The following IGFL2 variants were observed in gnomAD, a reference collection of about 807,000 sequenced individuals.
IGFL2 encodes IGF like family member 2.
In IGFL2, 7 loss-of-function variants were observed where a neutral mutation model predicts 13.9. That is an observed-to-expected ratio of 0.51 (90% CI 0.29 to 0.95). The LOEUF (loss-of-function observed/expected upper bound fraction) is 0.95. IGFL2 is among the 40% of genes least tolerant of loss of function. The pLI, the probability that IGFL2 is intolerant of heterozygous loss-of-function variation, is 0.08. For synonymous variants in IGFL2, 55 were observed against 55.8 expected (o/e 0.99, Z 0.07); for missense variants, 138 against 147.8 (o/e 0.93, Z 0.34).
intron 1 of IGFL2, chr19:46,160,170 T>A: frequency 1.9e-6 from 1 of 534,758 alleles, no homozygotes; most frequent in Non-Finnish European, 3.4e-6. Context: ...ATTCTTAGAA[T>A]CATAAACGAA....
At chr19:46,161,440 T>C (rs1312723017), downstream of IGFL2, 4 of 215,964 alleles carry the variant, frequency 1.9e-5, no homozygotes, top group East Asian at 3.9e-4. Context: ...TTAAGTACAC[T>C]ATTATTGTGT....
the IGFL2 span, among the ~76,000 whole-genome samples, chr19:46,174,624 G>T: frequency 6.6e-6 from 1 of 152,152 alleles, no homozygotes; most frequent in Non-Finnish European, 1.5e-5. Flanking sequence ...ATGAGGAGTG[G>T]GTAGGGCAAT....
upstream of IGFL2, among the ~76,000 whole-genome samples, chr19:46,145,600 A>ATGTGTG (rs1024196099): frequency 0.059 from 5,585 of 94,430 alleles, 159 homozygotes; most frequent in African/African-American, 0.076. Flanking sequence ...ACTCATATAT[A>ATGTGTG]TGTGTGTGTG....
At chr19:46,181,320 G>A in the IGFL2 span, 1 of 152,320 alleles carries the variant, frequency 6.6e-6, no homozygotes, top group African/African-American at 2.4e-5. Flanking sequence ...CTTGTCCAGA[G>A]ATTGAAGCCA....
chr19:46,104,705 A>G, the IGFL2 span, among the ~76,000 whole-genome samples: 1 of 152,156 alleles, frequency 6.6e-6, no homozygotes. Context: ...GGGCCTGAAC[A>G]ATCCCTGAGT....
the IGFL2 span, among the ~76,000 whole-genome samples, chr19:46,211,133 C>G: frequency 5.9e-5 from 9 of 152,210 alleles, no homozygotes; most frequent in Admixed American, 2.0e-4. Context: ...GCAGATTGTT[C>G]TAGCTTCATT....
chr19:46,123,780 A>G, the IGFL2 span: 3 of 1,276,938 alleles, frequency 2.3e-6, no homozygotes, highest in Non-Finnish European at 3.2e-6. Context: ...CACCAGCCTG[A>G]CTCTTTTGCC....
chr19:46,098,890 C>A, the IGFL2 span, among the ~76,000 whole-genome samples: 1 of 152,114 alleles, frequency 6.6e-6, no homozygotes, highest in Admixed American at 6.5e-5. Context: ...ATTTTGCAGA[C>A]TAGTTGATGC....
chr19:46,182,520 G>T, the IGFL2 span, among the ~76,000 whole-genome samples: 2 of 151,970 alleles, frequency 1.3e-5, no homozygotes, highest in African/African-American at 4.8e-5. Flanking sequence ...CCAAGTACAA[G>T]AAAAAACTTA....
the IGFL2 span, chr19:46,209,430 C>A: frequency 2.0e-5 from 3 of 152,226 alleles, no homozygotes; most frequent in Non-Finnish European, 4.4e-5. Flanking sequence ...TTAGCCCTCC[C>A]AACATAGGAC....
the IGFL2 span, among the ~76,000 whole-genome samples, chr19:46,181,596 T>C: frequency 1.9e-3 from 282 of 152,334 alleles, 5 homozygotes; most frequent in East Asian, 0.016. Context: ...CGCCTGGTCC[T>C]GACACTCCCT....
At chr19:46,176,105 G>T in the IGFL2 span, among the ~76,000 whole-genome samples, 1 of 138,060 alleles carries the variant, frequency 7.2e-6, no homozygotes, top group Non-Finnish European at 1.5e-5. Flanking sequence ...TGCCCGCCTC[G>T]GCCTCCTAAA....
chr19:46,127,592 A>C, the IGFL2 span, among the ~76,000 whole-genome samples: 1 of 152,130 alleles, frequency 6.6e-6, no homozygotes, highest in Non-Finnish European at 1.5e-5. Flanking sequence ...TCTTAAACGG[A>C]TGTATAGGTA....
chr19:46,211,313 A>AAATGACTCAC, the IGFL2 span, among the ~76,000 whole-genome samples: 1 of 152,224 alleles, frequency 6.6e-6, no homozygotes, highest in Middle Eastern at 3.2e-3. Context: ...TGTTTGGAGA[A>AAATGACTCAC]AATGACTCAC....
the IGFL2 span, among the ~76,000 whole-genome samples, chr19:46,085,129 A>G: frequency 1.3e-5 from 2 of 152,180 alleles, no homozygotes; most frequent in African/African-American, 4.8e-5. Flanking sequence ...GCAAGTTTGA[A>G]ACCCAGCAGG....
the IGFL2 span, among the ~76,000 whole-genome samples, chr19:46,132,818 T>C: frequency 6.6e-6 from 1 of 151,886 alleles, no homozygotes; most frequent in African/African-American, 2.4e-5. Context: ...CAAACCAACT[T>C]AGGCCAGGGA....
At chr19:46,112,539 A>G in the IGFL2 span, among the ~76,000 whole-genome samples, 1 of 152,334 alleles carries the variant, frequency 6.6e-6, no homozygotes, top group South Asian at 2.1e-4. Context: ...AGGAGCCTGG[A>G]GGCGAAACCA....
the IGFL2 span, among the ~76,000 whole-genome samples, chr19:46,105,552 T>TTC: frequency 6.6e-6 from 1 of 152,058 alleles, no homozygotes; most frequent in South Asian, 2.1e-4. Context: ...GTATCAGGAA[T>TTC]AATGTGGGAG....
the IGFL2 span, among the ~76,000 whole-genome samples, chr19:46,094,403 C>G: frequency 6.6e-6 from 1 of 151,972 alleles, no homozygotes; most frequent in South Asian, 2.1e-4. Flanking sequence ...TATATATGTC[C>G]TATTCAAAAT....
Sources: gnomAD v4.1 joint callset for allele counts (sites outside exome capture counted in the v4.1 genomes callset) on GRCh38, gnomAD v4.1.1 for gene constraint, MANE v1.5 for transcripts, NCBI Gene and HGNC (gene_info 2026-07-23, HGNC 2026-07-21) for gene names.